The following ROBO1 variants were observed in gnomAD, a reference collection of about 807,000 sequenced individuals.
The protein encoded by ROBO1 is roundabout guidance receptor 1.
A neutral mutation model predicts 195.9 loss-of-function variants in ROBO1; 149 were observed. The observed-to-expected ratio is 0.76, with a 90% CI of 0.67 to 0.87. The LOEUF (loss-of-function observed/expected upper bound fraction) is 0.87. ROBO1 is among the 40% of genes least tolerant of loss of function. The pLI is 0.00. For synonymous variants in ROBO1, 816 were observed against 733.2 expected (o/e 1.11, Z -1.82); for missense variants, 1,933 against 2,068.3 (o/e 0.93, Z 1.27).
chr3:78,947,249 C>G (rs1356226291), intron 3 of ROBO1, among the ~76,000 whole-genome samples: 1 of 152,158 alleles, frequency 6.6e-6, no homozygotes, highest in Non-Finnish European at 1.5e-5. Context: ...CACACCTACT[C>G]CAAAACTGAC....
Position 78,724,340 on chromosome 3 carries a change from C to T in ROBO1, c.658-6457G>A, listed in dbSNP as rs192918876. Among the ~76,000 whole-genome samples the T allele has an allele frequency of 2.6e-4, 40 of 151,986 alleles. No homozygotes were observed. The East Asian group carries it at 2.7e-3, about 10-fold the overall frequency. The stretch of plus-strand genomic sequence containing the variant: ...AACAACATAGTACTATGACCCTGAT[C>T]GAATATAACATACCCACTTTCAAGC... On this transcript the variant is annotated intron_variant, in intron 5 of 30. Coordinates refer to ENST00000464233, the MANE Select transcript of ROBO1 (RefSeq NM_002941.4).
intron 2 of ROBO1, among the ~76,000 whole-genome samples, chr3:79,182,187 A>G (rs937589827): frequency 6.6e-6 from 1 of 152,144 alleles, no homozygotes; most frequent in Admixed American, 6.5e-5. Context: ...GCGAACCTAG[A>G]ATTGTAGACA....
intron 2 of ROBO1, among the ~76,000 whole-genome samples, chr3:79,453,092 C>T (rs933650325): frequency 2.6e-5 from 4 of 151,778 alleles, no homozygotes; most frequent in African/African-American, 9.7e-5. Context: ...GGGCAGGTAT[C>T]TTAAGTAGCC....
intron 4 of ROBO1, among the ~76,000 whole-genome samples, chr3:78,814,712 C>T (rs905453618): frequency 6.6e-6 from 1 of 152,012 alleles, no homozygotes; most frequent in Non-Finnish European, 1.5e-5. Context: ...GGAATCATGT[C>T]GAATTGCTAT....
chr3:78,644,901 T>C (rs1706183430), intron 21 of ROBO1, among the ~76,000 whole-genome samples: 1 of 152,182 alleles, frequency 6.6e-6, no homozygotes, highest in Non-Finnish European at 1.5e-5. Context: ...GGTTGAAATA[T>C]ACACATGTAA....
chr3:79,097,340 A>T (rs999396364), intron 3 of ROBO1, among the ~76,000 whole-genome samples: 1 of 151,856 alleles, frequency 6.6e-6, no homozygotes, highest in African/African-American at 2.4e-5. Context: ...ATGAATTTTT[A>T]ACTTCAAAAA....
chr3:79,526,080 A>G (rs1325642236), intron 2 of ROBO1, among the ~76,000 whole-genome samples: 1 of 152,228 alleles, frequency 6.6e-6, no homozygotes, highest in Non-Finnish European at 1.5e-5. Context: ...TCCCTTAGAC[A>G]ATTTCAAATG....
At chr3:79,099,445 A>G (rs146612495) in intron 3 of ROBO1, among the ~76,000 whole-genome samples, 12 of 151,908 alleles carry the variant, frequency 7.9e-5, no homozygotes, top group Middle Eastern at 3.4e-3. Context: ...GGAGCAAGTC[A>G]GGTCAAGCCT....
In ROBO1 at chr3:79,334,951, C is replaced by CA. The variant is rs892815250; in HGVS notation, c.89-209413dup. Reference sequence around the variant, plus strand: ...TGAAACTCTGTGTCTACTAAAAGTACAAAAAAAAAAAATTAATTAGCCAGG... The same window carrying CA: ...TGAAACTCTGTGTCTACTAAAAGTACAAAAAAAAAAAAATTAATTAGCCAGG... On this transcript the variant is annotated intron_variant, in intron 2 of 30. Coordinates refer to ENST00000464233, the MANE Select transcript of ROBO1 (RefSeq NM_002941.4). 1.2e-3 allele frequency among the ~76,000 whole-genome samples: 164 copies of CA among 138,894 alleles called. 1 individual carries two copies. Among genetic ancestry groups the CA allele is most frequent in the East Asian group, 4.0e-3 (19 of 4,802 alleles). The allele number at this position is 138,894 out of a possible 152,430, so 91.1% of individuals were successfully genotyped here.
intron 3 of ROBO1, among the ~76,000 whole-genome samples, chr3:79,101,492 G>GC (rs1178625314): frequency 1.6e-4 from 25 of 151,802 alleles, no homozygotes; most frequent in African/African-American, 5.8e-4. Flanking sequence ...CACCTGCCTA[G>GC]CGGTTGCCTC....
chr3:79,673,430 G>A (rs977416630), intron 1 of ROBO1, among the ~76,000 whole-genome samples: 5 of 151,914 alleles, frequency 3.3e-5, no homozygotes, highest in African/African-American at 1.2e-4. Context: ...TATGGTCCCA[G>A]GTTTAAATAA....
chr3:79,713,987 G>T (rs1211515396), intron 1 of ROBO1, among the ~76,000 whole-genome samples: 1 of 152,012 alleles, frequency 6.6e-6, no homozygotes, highest in East Asian at 1.9e-4. Context: ...TGCTGTTTTG[G>T]TTACTGTAGC....
At chr3:78,728,048 G>C (rs2082205344) in intron 5 of ROBO1, among the ~76,000 whole-genome samples, 1 of 151,924 alleles carries the variant, frequency 6.6e-6, no homozygotes, top group African/African-American at 2.4e-5. Context: ...CCAAATCACA[G>C]TTCTTCTTGG....
At chr3:79,153,483 C>A (rs912666289) in intron 2 of ROBO1, among the ~76,000 whole-genome samples, 7 of 151,614 alleles carry the variant, frequency 4.6e-5, no homozygotes, top group African/African-American at 1.5e-4. Context: ...AGATAATAAT[C>A]AGCAAAGCTT....
intron 4 of ROBO1, among the ~76,000 whole-genome samples, chr3:78,816,400 G>A (rs904654962): frequency 4.6e-5 from 1 of 21,736 alleles, no homozygotes; most frequent in African/African-American, 7.1e-5. Context: ...AAAGAGTAAT[G>A]TTGTTTTCAT....
intron 2 of ROBO1, among the ~76,000 whole-genome samples, chr3:79,185,317 G>T (rs2081418187): frequency 6.6e-6 from 1 of 152,072 alleles, no homozygotes; most frequent in Non-Finnish European, 1.5e-5. Context: ...TAAGGAGATG[G>T]TCATAGAGGT....
At chr3:79,689,144 G>GA (rs558814631) in intron 1 of ROBO1, among the ~76,000 whole-genome samples, 1 of 151,728 alleles carries the variant, frequency 6.6e-6, no homozygotes, top group Non-Finnish European at 1.5e-5. Context: ...ATGAAACCTG[G>GA]AAAAAAACCT....
chr3:78,690,393 G>A (rs1296696451), intron 8 of ROBO1, among the ~76,000 whole-genome samples: 1 of 151,982 alleles, frequency 6.6e-6, no homozygotes, highest in African/African-American at 2.4e-5. Flanking sequence ...TTATAGGGAA[G>A]AAAATAGGAA....
At chr3:78,675,522 A>C (rs111767902) in intron 10 of ROBO1, among the ~76,000 whole-genome samples, 38,745 of 152,052 alleles carry the variant, frequency 0.25, 5,131 homozygotes, top group African/African-American at 0.32. Context: ...TATATCCCGC[A>C]CTTGGCTCGG....
Sources: allele counts gnomAD v4.1 joint callset (sites outside exome capture counted in the v4.1 genomes callset), GRCh38; gene constraint gnomAD v4.1.1; transcripts MANE v1.5; gene names NCBI Gene and HGNC (gene_info 2026-07-23, HGNC 2026-07-21).